Variants in CES2 observed in about 807,000 individuals in gnomAD.
The protein encoded by CES2 is cocaine esterase.
In CES2, 42 loss-of-function variants were observed where a neutral mutation model predicts 52.1. The ratio of observed to expected loss-of-function variants is 0.81; its 90% CI spans 0.63 to 1.04. CES2 has a LOEUF of 1.04. CES2 is among the 50% of genes least tolerant of loss of function. CES2 has a pLI of 0.00. For synonymous variants in CES2, 277 were observed against 289.6 expected (o/e 0.96, Z 0.44); for missense variants, 656 against 724.3 (o/e 0.91, Z 1.08).
chr16:66,936,658 A>T (rs11568314), intron 1 of CES2, among the ~76,000 whole-genome samples: 5,303 of 152,260 alleles, frequency 0.035, 126 homozygotes, highest in Non-Finnish European at 0.052. Flanking sequence ...CCTTATCAGA[A>T]GCTGGGGGAG....
Position 66,940,291 on chromosome 16 carries a change from G to A in CES2, c.493G>A (p.Ala165Thr), listed in dbSNP as rs11568312. ...MASLYDGSMLAALENVVVVII... is the reference protein window; with the variant it reads ...MASLYDGSMLTALENVVVVII... ...TTCCTTGTATGATGGTTCCATGCTG[G>A]CTGCCTTGGAGAACGTGGTGGTGGT... Residue 165 changes from alanine (A) to threonine (T), a missense_variant, in exon 4 of 12, where the codon GCT becomes ACT. Coordinates refer to ENST00000317091, the MANE Select transcript of CES2 (RefSeq NM_001365405.1). 4.5e-5 allele frequency: 72 copies of A among 1,614,026 alleles called. No individual in the cohort carries two copies. Among genetic ancestry groups the A allele is most frequent in the Non-Finnish European group, 1.2e-5 (14 of 1,180,042 alleles).
Position 66,935,658 on chromosome 16 carries a change from C to T in CES2, c.23C>T (p.Ala8Val), listed in dbSNP as rs764620476. ...ACCATGCGGCTGCACAGACTTCGTG[C>T]GCGGCTGAGCGCGGTGGCCTGTGGG... MRLHRLR[A>V]RLSAVACGLL... Residue 8 changes from alanine (A) to valine (V), a missense_variant, in exon 1 of 12, where the codon GCG (alanine) becomes GTG (valine). Transcript: ENST00000317091. 6.2e-6 allele frequency: 10 copies of T among 1,603,272 alleles called. No homozygotes were observed. The South Asian group carries it at 7.7e-5, about 12-fold the overall frequency.
intron 5 of CES2, 76 bp downstream of exon 5, chr16:66,940,771 G>A (rs1963344561): frequency 6.6e-7 from 1 of 1,520,290 alleles, no homozygotes; most frequent in Non-Finnish European, 8.9e-7. Context: ...CTGTTAAACG[G>A]GGATGACAAG....
In CES2 at chr16:66,944,323, A is replaced by G. The variant is rs77053423; in HGVS notation, c.*298A>G. 3.6e-3 allele frequency: 631 copies of G among 174,002 alleles called. 4 individuals are homozygous for G. The highest frequency in any genetic ancestry group is 4.3e-3 in the Non-Finnish European group (453 of 105,862). 10.8% of individuals were successfully genotyped at this position (174,002 alleles called of 1,614,324 possible). On this transcript the variant is annotated 3_prime_UTR_variant, in exon 12 of 12. Coordinates refer to ENST00000317091, the MANE Select transcript of CES2 (RefSeq NM_001365405.1). Reference sequence around the variant, plus strand: ...CCCCTTCTCAAAAAAAAAAAAAAAAAAGAGAGAGTGTGTGATTAGAAGCTA... The same window carrying G: ...CCCCTTCTCAAAAAAAAAAAAAAAAGAGAGAGAGTGTGTGATTAGAAGCTA...
chr16:66,937,135 T>A (rs1346645899), intron 1 of CES2, among the ~76,000 whole-genome samples: 4 of 152,022 alleles, frequency 2.6e-5, no homozygotes, highest in Non-Finnish European at 5.9e-5. Flanking sequence ...TGTTATCATA[T>A]TACTGCATTC....
At chr16:66,939,868 A>C (rs1049849675) in intron 3 of CES2, among the ~76,000 whole-genome samples, 19 of 152,214 alleles carry the variant, frequency 1.2e-4, no homozygotes, top group African/African-American at 4.6e-4. Context: ...TGCCTGGCTC[A>C]TTTTTAAAAC....
chr16:66,934,839 A>C (rs1430915985), upstream of CES2: 1 of 164,700 alleles, frequency 6.1e-6, no homozygotes, highest in Non-Finnish European at 1.3e-5. This position sits in a 1 kb window ranked among gnomAD's most constrained non-coding sequence, Gnocchi z 4.1. Context: ...CGGCGTCCCC[A>C]CAGCTTGGAC....
At chr16:66,935,197 G>A (rs1963168534), upstream of CES2, 1 of 425,648 alleles carries the variant, frequency 2.3e-6, no homozygotes, top group African/African-American at 2.0e-5. Context: ...TCCATCTGGG[G>A]GATCCTGAAC....
At chr16:66,940,197 A>T (rs767814049) in intron 3 of CES2, 25 bp from the exon 4 acceptor site, 3 of 1,611,994 alleles carry the variant, frequency 1.9e-6, no homozygotes, top group Non-Finnish European at 2.5e-6. Context: ...TGGGAGCATC[A>T]TGGTAGCTGC....
chr16:66,942,819 G>C, intron 10 of CES2, 34 bp downstream of exon 10: 1 of 1,613,708 alleles, frequency 6.2e-7, no homozygotes, highest in Non-Finnish European at 8.5e-7. Flanking sequence ...AGGTGGGCTG[G>C]GATTCTGGCT....
At chr16:66,941,726 C>T (rs938625576) in intron 7 of CES2, 42 bp from the exon 8 acceptor site, 2 of 1,613,782 alleles carry the variant, frequency 1.2e-6, no homozygotes, top group Admixed American at 1.7e-5. Flanking sequence ...TAGCTCCAGG[C>T]TCATCCCATC....
upstream of CES2, chr16:66,935,276 C>G (rs1963170952): frequency 1.4e-6 from 1 of 710,470 alleles, no homozygotes; most frequent in Non-Finnish European, 2.3e-6. Flanking sequence ...TATCGATCCC[C>G]CAGCGCGCTC....
At position 66,943,367 on chromosome 16, in the gene CES2, AAT is replaced by A. The variant is rs1436403384; in HGVS notation, c.1490_1491del (p.Asn497ArgfsTer56). 27 of 1,614,102 alleles carry A rather than the reference AAT, an allele frequency of 1.7e-5. No homozygotes were observed. The highest frequency in any genetic ancestry group is 3.3e-4 in the Middle Eastern group (2 of 6,052). ...MMKYWANFAR[N>X]GNPNGEGLPH... Reference sequence around the variant, plus strand: ...GAAGTACTGGGCCAACTTTGCGAGAAATGGGTGAGACAGCACACCCCTGCCTC... The same window carrying A: ...GAAGTACTGGGCCAACTTTGCGAGAAGGGTGAGACAGCACACCCCTGCCTC... On this transcript the variant is annotated frameshift_variant and splice_region_variant, in exon 11 of 12. Coordinates refer to ENST00000317091, the MANE Select transcript of CES2 (RefSeq NM_001365405.1). LOFTEE classifies it low-confidence loss of function (END_TRUNC). The surrounding 1 kb of genome is among the most constrained non-coding windows in gnomAD (Gnocchi z 4.2).
At chr16:66,937,651 C>T (rs1963245402) in intron 1 of CES2, among the ~76,000 whole-genome samples, 2 of 152,322 alleles carry the variant, frequency 1.3e-5, no homozygotes. Flanking sequence ...GCTTTCTTTA[C>T]ATGATTTCTT....
At position 66,943,262 on chromosome 16, in the gene CES2, A is replaced by T. The variant is rs1371771864; in HGVS notation, c.1421-37A>T. On this transcript the variant is annotated intron_variant, in intron 10 of 11. Coordinates refer to ENST00000317091, the MANE Select transcript of CES2 (RefSeq NM_001365405.1). The surrounding 1 kb of genome is among the most constrained non-coding windows in gnomAD (Gnocchi z 4.2). Reference sequence around the variant, plus strand: ...TCCACCTGGGATGCTGAGGTTGGACATCCTGATGAAGACACATGTCCTCTT... The same window carrying T: ...TCCACCTGGGATGCTGAGGTTGGACTTCCTGATGAAGACACATGTCCTCTT... 6.2e-7 allele frequency: 1 copy of T among 1,609,154 alleles called. No homozygotes were observed.
At position 66,942,805 on chromosome 16, in the gene CES2, C is replaced by G; in HGVS notation, c.1420+20C>G. The G allele has an allele frequency of 8.1e-6, 13 of 1,613,946 alleles. No individual in the cohort carries two copies. Among genetic ancestry groups the G allele is most frequent in the East Asian group, 4.5e-5 (2 of 44,866 alleles). On this transcript the variant is annotated intron_variant, in intron 10 of 11. Coordinates refer to ENST00000317091, the MANE Select transcript of CES2 (RefSeq NM_001365405.1). ...ACTACAGTGAGTCTTCTTCCTTTCC[C>G]GGGAGGTGGGCTGGGATTCTGGCTG...
upstream of CES2, chr16:66,935,246 T>C: frequency 5.5e-6 from 3 of 548,524 alleles, no homozygotes; most frequent in South Asian, 2.9e-5. Flanking sequence ...GGTCTCCAAT[T>C]CTAGTTTATT....
Position 66,944,022 on chromosome 16 carries a change from G to A in CES2, c.1677G>A (p.Leu559=), listed in dbSNP as rs1480183346. The change falls in exon 12 of 12, where the codon CTG becomes CTA. Residue 559 remains leucine (L), a synonymous_variant. Transcript: ENST00000317091. ...AGCCTGAAGAGAGACACACAGAGCT[G>A]TAGCTCCCTGTGCCGGGGAGGAGGG... ...LEEPEERHTE[L] 2 of 1,455,002 alleles carry A rather than the reference G, an allele frequency of 1.4e-6. No homozygotes were observed. Among genetic ancestry groups the A allele is most frequent in the South Asian group, 1.3e-5 (1 of 78,432 alleles). The allele number at this position is 1,455,002 out of a possible 1,614,324, so 90.1% of individuals were successfully genotyped here. A position where few individuals can be genotyped will look rare whatever the true frequency, so the allele number is the denominator to read the frequency against.
chr16:66,941,717 AGCTCCAG>A (rs1963369054), intron 7 of CES2, 44 bp from the exon 8 acceptor site: 1 of 1,613,540 alleles, frequency 6.2e-7, no homozygotes, highest in African/African-American at 1.3e-5. Context: ...AGGGCTTCAT[AGCTCCAG>A]GCTCATCCCA....
Sources: gnomAD v4.1 joint callset for allele counts (sites outside exome capture counted in the v4.1 genomes callset) on GRCh38, gnomAD v4.1.1 for gene constraint, Gnocchi (gnomAD v3.1) non-coding constraint, MANE v1.5 for transcripts, NCBI Gene and HGNC (gene_info 2026-07-23, HGNC 2026-07-21) for gene names.